Variants in MRAP2 observed in about 807,000 individuals in gnomAD.
The protein encoded by MRAP2 is melanocortin-2 receptor accessory protein 2.
In MRAP2, 20 loss-of-function variants were observed where a neutral mutation model predicts 17.4. That is an observed-to-expected ratio of 1.15 (90% CI 0.81 to 1.67). The LOEUF (loss-of-function observed/expected upper bound fraction) is 1.67. MRAP2 is among the 40% of genes most tolerant of loss of function. The pLI is 0.00. For synonymous variants in MRAP2, 96 were observed against 88.4 expected (o/e 1.09, Z -0.48); for missense variants, 238 against 240.0 (o/e 0.99, Z 0.05).
intron 1 of MRAP2, chr6:84,035,574 G>A: frequency 7.7e-6 from 2 of 258,676 alleles, no homozygotes; most frequent in East Asian, 1.8e-4. Flanking sequence ...GTGCATTGCA[G>A]GAGCAAGGGA....
the MRAP2 span, among the ~76,000 whole-genome samples, chr6:84,105,976 A>T: frequency 6.6e-6 from 1 of 152,060 alleles, no homozygotes; most frequent in Non-Finnish European, 1.5e-5. Flanking sequence ...TGATTCCTAG[A>T]CCTATATATT....
chr6:84,133,902 C>T, the MRAP2 span, among the ~76,000 whole-genome samples: 1 of 152,170 alleles, frequency 6.6e-6, no homozygotes, highest in Non-Finnish European at 1.5e-5. Flanking sequence ...AACCTGGTAC[C>T]TCAGTTGGAA....
the MRAP2 span, among the ~76,000 whole-genome samples, chr6:84,141,498 C>T: frequency 6.6e-6 from 1 of 152,174 alleles, no homozygotes; most frequent in Non-Finnish European, 1.5e-5. Flanking sequence ...ATCTTCCGAT[C>T]TCTGGGTCCC....
chr6:84,143,960 T>C, the MRAP2 span, among the ~76,000 whole-genome samples: 1 of 152,192 alleles, frequency 6.6e-6, no homozygotes, highest in East Asian at 1.9e-4. Context: ...ACTATGCGAC[T>C]TTCTGTATTT....
chr6:84,112,273 AT>A, the MRAP2 span, among the ~76,000 whole-genome samples: 1 of 152,028 alleles, frequency 6.6e-6, no homozygotes, highest in Non-Finnish European at 1.5e-5. Context: ...TACTCCCTCA[AT>A]TTCAGAACTT....
At chr6:84,128,177 T>A in the MRAP2 span, among the ~76,000 whole-genome samples, 1 of 152,342 alleles carries the variant, frequency 6.6e-6, no homozygotes, top group East Asian at 1.9e-4. Context: ...TTTCAATGAT[T>A]AAACATTCAT....
intron 2 of MRAP2, chr6:84,061,816 G>GT: frequency 1.0e-6 from 1 of 985,414 alleles, no homozygotes; most frequent in Non-Finnish European, 1.2e-6. Flanking sequence ...GTGGTGTACT[G>GT]TTTTCTCAGA....
chr6:84,060,473 A>T (rs1020201624), intron 2 of MRAP2, among the ~76,000 whole-genome samples: 3 of 152,210 alleles, frequency 2.0e-5, no homozygotes, highest in Admixed American at 2.0e-4. Flanking sequence ...AATGTCAATC[A>T]ACATGATTCA....
At chr6:84,044,071 A>C (rs1252451035) in intron 1 of MRAP2, among the ~76,000 whole-genome samples, 1 of 152,218 alleles carries the variant, frequency 6.6e-6, no homozygotes, top group African/African-American at 2.4e-5. Flanking sequence ...CAGTTTAATT[A>C]GTTTACCAAA....
chr6:84,109,048 A>G, the MRAP2 span, among the ~76,000 whole-genome samples: 1 of 152,104 alleles, frequency 6.6e-6, no homozygotes, highest in African/African-American at 2.4e-5. Context: ...TTCTTGTACC[A>G]ATACCATGCT....
intron 1 of MRAP2, among the ~76,000 whole-genome samples, chr6:84,039,875 C>T (rs2099487063): frequency 6.6e-6 from 1 of 152,124 alleles, no homozygotes; most frequent in Non-Finnish European, 1.5e-5. Flanking sequence ...TGGTTGTAAA[C>T]GTTTTCTGTC....
chr6:84,117,999 G>GTGGAA, the MRAP2 span, among the ~76,000 whole-genome samples: 1 of 152,210 alleles, frequency 6.6e-6, no homozygotes, highest in Non-Finnish European at 1.5e-5. Context: ...CTGCATTTTG[G>GTGGAA]TGGAACAGTT....
chr6:84,063,991 G>A (rs1030193480), intron 3 of MRAP2, among the ~76,000 whole-genome samples: 1 of 151,772 alleles, frequency 6.6e-6, no homozygotes, highest in Non-Finnish European at 1.5e-5. Context: ...GTTGCAGTGA[G>A]CCAAGGTCAC....
chr6:84,081,820 AAATG>A (rs71549598), intron 3 of MRAP2, among the ~76,000 whole-genome samples: 2 of 151,934 alleles, frequency 1.3e-5, no homozygotes, highest in South Asian at 2.1e-4. Context: ...TCCATCTTAA[AAATG>A]AATGAATGAA....
rs753715730 is a variant in MRAP2, at chr6:84,062,923, T to C, written c.158T>C (p.Leu53Pro). Residue 53 changes from leucine to proline, a missense_variant, in exon 3 of 4, where the codon CTT becomes CCT. Transcript: ENST00000257776. ...ATTGTGATTGGATTTTGGGTTGGTC[T>C]TGCAGTCTTCGTGATTTTTATGTTT... is the stretch of plus-strand genomic sequence containing the variant. Reference protein sequence around the residue: ...YSIVIGFWVGLAVFVIFMFFV... With the variant: ...YSIVIGFWVGPAVFVIFMFFV... The C allele has an allele frequency of 1.9e-6, 3 of 1,614,232 alleles. No homozygotes were observed. The highest frequency in any genetic ancestry group is 2.5e-6 in the Non-Finnish European group (3 of 1,180,028).
intron 1 of MRAP2, among the ~76,000 whole-genome samples, chr6:84,054,156 C>T (rs1390610718): frequency 6.6e-6 from 1 of 152,142 alleles, no homozygotes; most frequent in African/African-American, 2.4e-5. Context: ...ACATTTCATT[C>T]AGATTTTCCC....
At chr6:84,081,820 A>AAACG (rs1554439203) in intron 3 of MRAP2, among the ~76,000 whole-genome samples, 1 of 151,934 alleles carries the variant, frequency 6.6e-6, no homozygotes, top group Non-Finnish European at 1.5e-5. Context: ...TCCATCTTAA[A>AAACG]AATGAATGAA....
chr6:84,061,866 T>C (rs1327919833), intron 2 of MRAP2: 2 of 985,348 alleles, frequency 2.0e-6, no homozygotes, highest in Non-Finnish European at 2.4e-6. Context: ...GTGGAATCTC[T>C]TTTACTCTGG....
At chr6:84,052,644 T>C (rs1023478552) in intron 1 of MRAP2, 6 of 162,102 alleles carry the variant, frequency 3.7e-5, no homozygotes, top group Non-Finnish European at 6.5e-5. Flanking sequence ...AAGCTATCTT[T>C]GGGATTCAAG....
Sources: gnomAD v4.1 joint callset for allele counts (sites outside exome capture counted in the v4.1 genomes callset) on GRCh38, gnomAD v4.1.1 for gene constraint, MANE v1.5 for transcripts, NCBI Gene and HGNC (gene_info 2026-07-23, HGNC 2026-07-21) for gene names.